DTNB: variants seen among roughly 807,000 people sequenced by gnomAD.
The protein encoded by DTNB is DTN-B.
In DTNB, 63 loss-of-function variants were observed where a neutral mutation model predicts 90.7. The ratio of observed to expected loss-of-function variants is 0.69; its 90% CI spans 0.57 to 0.86. The LOEUF (loss-of-function observed/expected upper bound fraction) is 0.86, where lower values mean the gene tolerates loss of function less well. Among genes scored for constraint, DTNB ranks in the 40% least tolerant of loss-of-function variants. The pLI is 0.00. For synonymous variants in DTNB, 277 were observed against 286.7 expected, an observed-to-expected ratio of 0.97 and a Z score of 0.34; for missense variants, 744 against 807.1, an observed-to-expected ratio of 0.92 and a Z score of 0.95.
intron 9 of DTNB, among the ~76,000 whole-genome samples, chr2:25,513,240 A>T (rs1341424085): frequency 1.3e-5 from 2 of 152,228 alleles, no homozygotes; most frequent in African/African-American, 4.8e-5. Context: ...CTGAGGCTCA[A>T]TGTCTGCATG....
At chr2:25,475,894 A>G (rs952826360) in intron 10 of DTNB, among the ~76,000 whole-genome samples, 2 of 152,152 alleles carry the variant, frequency 1.3e-5, no homozygotes, top group Non-Finnish European at 2.9e-5. Flanking sequence ...TTTTAAGCCT[A>G]CTGTTGAGAC....
intron 9 of DTNB, among the ~76,000 whole-genome samples, chr2:25,500,777 T>C (rs1335247293): frequency 6.6e-6 from 1 of 152,164 alleles, no homozygotes; most frequent in East Asian, 1.9e-4. Context: ...GCATAATTAA[T>C]GCATGTATAG....
intron 5 of DTNB, among the ~76,000 whole-genome samples, chr2:25,603,744 CAG>C (rs1034968034): frequency 3.3e-5 from 5 of 151,676 alleles, no homozygotes; most frequent in Non-Finnish European, 5.9e-5. Context: ...GAGGTAACAA[CAG>C]AGAGTCCAGT....
chr2:25,661,768 T>TAAA (rs2083219131), intron 1 of DTNB, among the ~76,000 whole-genome samples: 1 of 152,168 alleles, frequency 6.6e-6, no homozygotes, highest in Non-Finnish European at 1.5e-5. Context: ...GAAAATACCA[T>TAAA]TTATATTGGC....
chr2:25,506,956 T>C (rs940244950), intron 9 of DTNB, among the ~76,000 whole-genome samples: 5 of 152,212 alleles, frequency 3.3e-5, no homozygotes, highest in African/African-American at 1.2e-4. Context: ...AAAAGTCTCA[T>C]GTGTTTAGAA....
At chr2:25,379,551 G>A (rs2036959333) in intron 19 of DTNB, 1 of 425,294 alleles carries the variant, frequency 2.4e-6, no homozygotes, top group African/African-American at 2.0e-5. Flanking sequence ...CTTCTCAGGA[G>A]AAGGAAAGTC....
chr2:25,544,521 A>G (rs1310038349), intron 8 of DTNB, among the ~76,000 whole-genome samples: 2 of 152,192 alleles, frequency 1.3e-5, no homozygotes, highest in Non-Finnish European at 2.9e-5. Context: ...CTTTCTGAGC[A>G]CATCATCCTG....
At chr2:25,643,326 C>A (rs909789478) in intron 2 of DTNB, among the ~76,000 whole-genome samples, 1 of 152,198 alleles carries the variant, frequency 6.6e-6, no homozygotes, top group African/African-American at 2.4e-5. Context: ...GTGCTTCCCC[C>A]ATGTGGCTCC....
chr2:25,671,054 T>TA (rs967699060), intron 1 of DTNB, among the ~76,000 whole-genome samples: 1 of 152,212 alleles, frequency 6.6e-6, no homozygotes, highest in Non-Finnish European at 1.5e-5. Context: ...TACTTAATAA[T>TA]AAAGTGCAAG....
At chr2:25,435,782 G>A (rs2055545468) in intron 12 of DTNB, among the ~76,000 whole-genome samples, 1 of 152,170 alleles carries the variant, frequency 6.6e-6, no homozygotes, top group East Asian at 1.9e-4. Context: ...ACTGCCTTTT[G>A]AGAAACTGCC....
At position 25,580,829 on chromosome 2, in the gene DTNB, G is replaced by A; in HGVS notation, c.604-3C>T. Reference sequence around the variant, plus strand: ...AACATATTTAGCATTATCTTTCTCTGTAAAGAGAAGAAAAACAAACATACT... The same window carrying A: ...AACATATTTAGCATTATCTTTCTCTATAAAGAGAAGAAAAACAAACATACT... On this transcript the variant is annotated splice_polypyrimidine_tract_variant and splice_region_variant and intron_variant, in intron 6 of 20. Transcript: ENST00000406818. 6.2e-7 allele frequency: 1 copy of A among 1,603,398 alleles called. No homozygotes were observed. The highest frequency in any genetic ancestry group is 8.5e-7 in the Non-Finnish European group (1 of 1,174,490).
At chr2:25,390,525 C>A (rs1662525129) in intron 16 of DTNB, among the ~76,000 whole-genome samples, 1 of 151,240 alleles carries the variant, frequency 6.6e-6, no homozygotes, top group South Asian at 2.1e-4. Context: ...CTCAGTGCAA[C>A]CTCCGTCCCC....
chr2:25,527,114 G>C (rs1045414279), intron 9 of DTNB, among the ~76,000 whole-genome samples: 1 of 152,066 alleles, frequency 6.6e-6, no homozygotes, highest in Non-Finnish European at 1.5e-5. Context: ...AGTAAAACTT[G>C]GGTAATACCC....
chr2:25,647,972 CA>C (rs2079897338), intron 2 of DTNB, among the ~76,000 whole-genome samples: 1 of 152,066 alleles, frequency 6.6e-6, no homozygotes, highest in Non-Finnish European at 1.5e-5. Context: ...GGAAAATACA[CA>C]GCACAAATGA....
At chr2:25,665,369 G>C (rs1574235248) in intron 1 of DTNB, among the ~76,000 whole-genome samples, 1 of 152,216 alleles carries the variant, frequency 6.6e-6, no homozygotes, top group Non-Finnish European at 1.5e-5. Flanking sequence ...GCTCATGCCT[G>C]TAATCCCAGC....
At chr2:25,464,231 C>T (rs1348338978) in intron 10 of DTNB, among the ~76,000 whole-genome samples, 1 of 152,112 alleles carries the variant, frequency 6.6e-6, no homozygotes, top group African/African-American at 2.4e-5. Flanking sequence ...TTTCTAATAC[C>T]ATTCTCTAAT....
chr2:25,517,046 G>C (rs980557841), intron 9 of DTNB, among the ~76,000 whole-genome samples: 1 of 152,178 alleles, frequency 6.6e-6, no homozygotes, highest in African/African-American at 2.4e-5. Context: ...AACTAAAAAT[G>C]AGACCAATGT....
At chr2:25,478,017 TAAAA>T (rs10601523) in intron 10 of DTNB, among the ~76,000 whole-genome samples, 214 of 146,266 alleles carry the variant, frequency 1.5e-3, no homozygotes, top group African/African-American at 1.8e-3. Context: ...GTTTTTACTT[TAAAA>T]AAAAAAAAAA....
chr2:25,540,675 CTT>C (rs1209884733), intron 8 of DTNB, among the ~76,000 whole-genome samples: 1 of 152,042 alleles, frequency 6.6e-6, no homozygotes, highest in African/African-American at 2.4e-5. Context: ...ACATGGGAGA[CTT>C]TTCATTTTGT....
Sources: gnomAD v4.1 joint callset for allele counts (sites outside exome capture counted in the v4.1 genomes callset) on GRCh38, gnomAD v4.1.1 for gene constraint, MANE v1.5 for transcripts, NCBI Gene and HGNC (gene_info 2026-07-23, HGNC 2026-07-21) for gene names.